BRI3BP: variants seen among roughly 807,000 people sequenced by gnomAD.
BRI3BP encodes BRI3 binding protein.
A neutral mutation model predicts 15.8 loss-of-function variants in BRI3BP; 7 were observed. The ratio of observed to expected loss-of-function variants is 0.44; its 90% CI spans 0.25 to 0.83. The LOEUF (loss-of-function observed/expected upper bound fraction) is 0.83. BRI3BP is among the 40% of genes least tolerant of loss of function. BRI3BP has a pLI of 0.20. For synonymous variants in BRI3BP, 192 were observed against 163.5 expected (o/e 1.17, Z -1.33); for missense variants, 320 against 339.3 (o/e 0.94, Z 0.45).
At chr12:125,006,914 A>G (rs1225166032) in intron 1 of BRI3BP, among the ~76,000 whole-genome samples, 1 of 152,064 alleles carries the variant, frequency 6.6e-6, no homozygotes, top group African/African-American at 2.4e-5. Flanking sequence ...ATTGCTATAT[A>G]TTATCTGGGC....
At chr12:125,009,486 C>T (rs11057983) in intron 1 of BRI3BP, among the ~76,000 whole-genome samples, 19,846 of 151,850 alleles carry the variant, frequency 0.13, 1,359 homozygotes, top group Non-Finnish European at 0.15. Context: ...GACAAGGTTT[C>T]GCCATGTTGG....
chr12:125,043,810 C>T, the BRI3BP span, among the ~76,000 whole-genome samples: 6 of 152,000 alleles, frequency 3.9e-5, no homozygotes, highest in Non-Finnish European at 7.4e-5. Context: ...GAGCCAAGAT[C>T]GCAACACTGC....
At position 124,993,690 on chromosome 12, in the gene BRI3BP, C is replaced by T; in HGVS notation, c.-101C>T. On this transcript the variant is annotated 5_prime_UTR_variant, in exon 1 of 3. Coordinates refer to ENST00000341446, the MANE Select transcript of BRI3BP (RefSeq NM_080626.6). ...GGCGGCTGTGGGTAAAGGCGCGGCG[C>T]GCGGCCCCCGAGCGCGCCAACCTTG... 1.6e-6 allele frequency: 1 copy of T among 642,686 alleles called. No individual in the cohort carries two copies. The highest frequency in any genetic ancestry group is 1.9e-6 in the Non-Finnish European group (1 of 519,028). 39.8% of individuals were successfully genotyped at this position (642,686 alleles called of 1,614,324 possible). A position where few individuals can be genotyped will look rare whatever the true frequency, so the allele number is the denominator to read the frequency against.
the BRI3BP span, among the ~76,000 whole-genome samples, chr12:125,050,550 C>A: frequency 1.3e-5 from 2 of 152,230 alleles, no homozygotes; most frequent in African/African-American, 4.8e-5. Flanking sequence ...TTAATACCTT[C>A]AGTCTTTTTG....
At chr12:125,041,659 G>A in the BRI3BP span, among the ~76,000 whole-genome samples, 1 of 152,310 alleles carries the variant, frequency 6.6e-6, no homozygotes, top group Admixed American at 6.5e-5. Flanking sequence ...AGTATCTTGT[G>A]GCTCCTGTTA....
At position 125,025,607 on chromosome 12, in the gene BRI3BP, C is replaced by T. The variant is rs933659978; in HGVS notation, c.*177C>T. ...CTCTTAGGACACATTCCCAGAAGAG[C>T]GGAAAGATCATTGACGTGGAACTAC... is the stretch of plus-strand genomic sequence containing the variant. On this transcript the variant is annotated 3_prime_UTR_variant, in exon 3 of 3. Transcript: ENST00000341446. The T allele has an allele frequency of 3.2e-6, 2 of 622,358 alleles. No homozygotes were observed. Among genetic ancestry groups the T allele is most frequent in the South Asian group, 5.2e-5 (2 of 38,712 alleles). The allele number at this position is 622,358 out of a possible 1,614,324, so 38.6% of individuals were successfully genotyped here.
the BRI3BP span, among the ~76,000 whole-genome samples, chr12:125,050,024 C>T: frequency 3.3e-5 from 5 of 152,152 alleles, no homozygotes; most frequent in Non-Finnish European, 5.9e-5. Flanking sequence ...AAGGACCCCT[C>T]CTGCAAATTC....
At chr12:125,023,010 TCTA>T (rs1303222523) in intron 2 of BRI3BP, among the ~76,000 whole-genome samples, 2 of 152,186 alleles carry the variant, frequency 1.3e-5, no homozygotes, top group Non-Finnish European at 1.5e-5. Context: ...AAAGGAATAT[TCTA>T]CTGTTCTTTT....
At chr12:125,004,649 A>G (rs1243356381) in intron 1 of BRI3BP, among the ~76,000 whole-genome samples, 1 of 152,142 alleles carries the variant, frequency 6.6e-6, no homozygotes, top group Admixed American at 6.6e-5. Context: ...ATGAACCAAT[A>G]TTGGTACATC....
the BRI3BP span, among the ~76,000 whole-genome samples, chr12:125,046,010 C>T: frequency 6.6e-6 from 1 of 151,818 alleles, no homozygotes; most frequent in African/African-American, 2.4e-5. Flanking sequence ...ACTAAAAATA[C>T]AAAAATTAGC....
the BRI3BP span, among the ~76,000 whole-genome samples, chr12:125,042,266 T>C: frequency 5.1e-4 from 77 of 152,332 alleles, no homozygotes; most frequent in African/African-American, 1.6e-3. Flanking sequence ...ATAAGCACAG[T>C]ACCCGATAGG....
chr12:125,005,292 T>C (rs1450224757), intron 1 of BRI3BP, among the ~76,000 whole-genome samples: 1 of 152,200 alleles, frequency 6.6e-6, no homozygotes, highest in African/African-American at 2.4e-5. Context: ...CAAATCATCA[T>C]GATTTAAGTC....
intron 1 of BRI3BP, among the ~76,000 whole-genome samples, chr12:124,996,919 C>T (rs1955045603): frequency 6.6e-6 from 1 of 151,750 alleles, no homozygotes; most frequent in Non-Finnish European, 1.5e-5. Context: ...TGCCACCATG[C>T]CTGGCTAATT....
chr12:125,038,706 G>T, the BRI3BP span, among the ~76,000 whole-genome samples: 8 of 151,824 alleles, frequency 5.3e-5, no homozygotes. Context: ...CGGAGGTTGC[G>T]GTGAGCCGAG....
Position 125,028,789 on chromosome 12 carries a change from G to A in BRI3BP, c.*3359G>A, listed in dbSNP as rs959527595. On this transcript the variant is annotated 3_prime_UTR_variant, in exon 3 of 3. Transcript: ENST00000341446. ...TTCCTTCTCCATTCCATGGAACCTT[G>A]TAGGGTGTTGGGATTGGGCCTCCCC... is the stretch of plus-strand genomic sequence containing the variant. The A allele has an allele frequency of 3.9e-5, 6 of 152,128 alleles. No homozygotes were observed. The highest frequency in any genetic ancestry group is 1.4e-4 in the African/African-American group (6 of 41,450). The allele number at this position is 152,128 out of a possible 1,614,324, so 9.4% of individuals were successfully genotyped here. A position where few individuals can be genotyped will look rare whatever the true frequency, so the allele number is the denominator to read the frequency against.
At chr12:125,042,172 T>G in the BRI3BP span, among the ~76,000 whole-genome samples, 3 of 152,328 alleles carry the variant, frequency 2.0e-5, no homozygotes, top group East Asian at 5.8e-4. Flanking sequence ...TATTTTAGGT[T>G]CAGGGATACG....
In BRI3BP at chr12:125,030,943, ATAGTG is replaced by A. The variant is rs1565909022; in HGVS notation, c.*5515_*5519del. 1 of 150,880 alleles carries A rather than the reference ATAGTG, an allele frequency of 6.6e-6. No individual in the cohort carries two copies. The highest frequency in any genetic ancestry group is 1.5e-5 in the Non-Finnish European group (1 of 67,596). The allele number at this position is 150,880 out of a possible 1,614,324, so 9.3% of individuals were successfully genotyped here. On this transcript the variant is annotated 3_prime_UTR_variant, in exon 3 of 3. Coordinates refer to ENST00000341446, the MANE Select transcript of BRI3BP (RefSeq NM_080626.6). The stretch of plus-strand genomic sequence containing the variant: ...CTTAATATAAATCCATTTGATTTGA[ATAGTG>A]TGTGTGTGTACATGGTGTGTGTGTG...
At chr12:125,043,811 G>A in the BRI3BP span, among the ~76,000 whole-genome samples, 7 of 152,164 alleles carry the variant, frequency 4.6e-5, no homozygotes, top group South Asian at 1.2e-3. Flanking sequence ...AGCCAAGATC[G>A]CAACACTGCA....
rs1320130843 is a variant in BRI3BP at position 124,995,212 on chromosome 12, C to G, written c.213+1209C>G. On this transcript the variant is annotated intron_variant, in intron 1 of 2. Coordinates refer to ENST00000341446, the MANE Select transcript of BRI3BP (RefSeq NM_080626.6). ...TCTTGCACAGGTGGGTCTGTGTCTTCATACATGTAGGGGAGAGAACGCTTT... is the reference window on the plus strand; with the variant it reads ...TCTTGCACAGGTGGGTCTGTGTCTTGATACATGTAGGGGAGAGAACGCTTT... 3.9e-5 allele frequency among the ~76,000 whole-genome samples: 6 copies of G among 152,270 alleles called. No individual in the cohort carries two copies. In the East Asian group the frequency reaches 7.7e-4, roughly 20 times the overall value.
Sources: allele counts gnomAD v4.1 joint callset (sites outside exome capture counted in the v4.1 genomes callset), GRCh38; gene constraint gnomAD v4.1.1; transcripts MANE v1.5; gene names NCBI Gene and HGNC (gene_info 2026-07-23, HGNC 2026-07-21).